Variants in GSTM3 observed in about 807,000 individuals in gnomAD.
The protein encoded by GSTM3 is GST class-mu 3.
Under a neutral mutation model 36.1 loss-of-function variants are expected in GSTM3, and 34 were observed. The ratio of observed to expected loss-of-function variants is 0.94; its 90% CI spans 0.72 to 1.25. GSTM3 has a LOEUF of 1.25. Among genes scored for constraint, GSTM3 ranks in the 50% most tolerant of loss-of-function variants. The pLI is 0.00. For missense variants in GSTM3, 266 were observed against 281.6 expected (o/e 0.94, Z 0.40); for synonymous variants, 102 against 99.5 (o/e 1.03, Z -0.15).
At position 109,735,662 on chromosome 1, in the gene GSTM3, GAGAC is replaced by G. The variant is rs1488386428; in HGVS notation, c.*1405_*1408del. ...TTTTTTTTTTTTTTTTTTTTTTTTT[GAGAC>G]AGAGTCTCGCCCTGTAGCCAGGCTG... On this transcript the variant is annotated 3_prime_UTR_variant, in exon 9 of 9. Transcript: ENST00000361066. The G allele has an allele frequency of 1.3e-4, 3 of 23,098 alleles. No individual in the cohort carries two copies. The East Asian group carries it at 2.8e-3, about 22-fold the overall frequency. 1.4% of individuals were successfully genotyped at this position (23,098 alleles called of 1,614,324 possible).
In GSTM3 at chr1:109,740,366, G is replaced by C. The variant is rs1323291375; in HGVS notation, c.-79C>G. 6.7e-6 allele frequency: 9 copies of C among 1,336,716 alleles called. No homozygotes were observed. Among genetic ancestry groups the C allele is most frequent in the Non-Finnish European group, 9.4e-6 (9 of 954,526 alleles). 82.8% of individuals were successfully genotyped at this position (1,336,716 alleles called of 1,614,324 possible). A position where few individuals can be genotyped will look rare whatever the true frequency, so the allele number is the denominator to read the frequency against. ...TTTATACCCGACATAAGGGGGCGGG[G>C]CCCACGCGCGGGCGCCCTGACTCCG... On this transcript the variant is annotated 5_prime_UTR_variant, in exon 2 of 9. Coordinates refer to ENST00000361066, the MANE Select transcript of GSTM3 (RefSeq NM_000849.5).
In GSTM3 at chr1:109,736,846, C is replaced by A; in HGVS notation, c.*225G>T. The A allele has an allele frequency of 2.0e-6, 1 of 505,494 alleles. No homozygotes were observed. The highest frequency in any genetic ancestry group is 3.6e-6 in the Non-Finnish European group (1 of 281,044). 31.3% of individuals were successfully genotyped at this position (505,494 alleles called of 1,614,324 possible). On this transcript the variant is annotated 3_prime_UTR_variant, in exon 9 of 9. Coordinates refer to ENST00000361066, the MANE Select transcript of GSTM3 (RefSeq NM_000849.5). ...TCAGGGCTTGGGCATGAACCTACAG[C>A]CCTTGAACTCAGTTGGGGAGTAGGG...
Position 109,737,172 on chromosome 1 carries a change from G to A in GSTM3, c.580-3C>T, listed in dbSNP as rs1440997960. The stretch of plus-strand genomic sequence containing the variant: ...TAGGCAGCGATTTTCTCCAAAGCCT[G>A]AAAGGAAAATACACCAAATCTTATA... On this transcript the variant is annotated splice_region_variant and splice_polypyrimidine_tract_variant and intron_variant, in intron 8 of 8. Coordinates refer to ENST00000361066, the MANE Select transcript of GSTM3 (RefSeq NM_000849.5). The A allele has an allele frequency of 1.9e-6, 3 of 1,605,232 alleles. No homozygotes were observed. Among genetic ancestry groups the A allele is most frequent in the Non-Finnish European group, 2.6e-6 (3 of 1,171,916 alleles).
chr1:109,739,903 C>G lies in GSTM3; in HGVS notation c.54G>C (p.Ala18=). 6.4e-7 allele frequency: 1 copy of G among 1,553,806 alleles called. No individual in the cohort carries two copies. The highest frequency in any genetic ancestry group is 8.7e-7 in the Non-Finnish European group (1 of 1,147,598). The stretch of plus-strand genomic sequence containing the variant: ...ACTCCAGGAGCAGGCGGATGGCGTG[C>G]GCCAGCTGGGGAAGACAGCGGTTCA... ...VLGYWDIRGL[A]HAIRLLLEFT... is the part of the protein sequence containing the mutation. Residue 18 remains alanine, a synonymous_variant, in exon 3 of 9, where the codon GCG becomes GCC. Coordinates refer to ENST00000361066, the MANE Select transcript of GSTM3 (RefSeq NM_000849.5).
At chr1:109,737,379 ATCC>A (rs1292746371) in intron 8 of GSTM3, 75 bp downstream of exon 8, 1 of 984,634 alleles carries the variant, frequency 1.0e-6, no homozygotes, top group African/African-American at 1.6e-5. Flanking sequence ...CCGGGGAAGA[ATCC>A]TCCACTATGG....
Position 109,738,337 on chromosome 1 carries a change from C to G in GSTM3, c.219G>C (p.Lys73Asn). ...NLPYLLDGKN[K>N]ITQSNAILRY... is the part of the protein sequence containing the mutation. ...GCAAGATGGCATTGCTCTGGGTGAT[C>G]TTGTTCTTCCCATCCAGGAGGTAGG... is the stretch of plus-strand genomic sequence containing the variant. The change falls in exon 5 of 9, where the codon AAG (lysine) becomes AAC (asparagine). Residue 73 changes from lysine (K) to asparagine (N), a missense_variant. Physicochemically the swap from Lys to Asn is moderately conservative, Grantham distance 94. Coordinates refer to ENST00000361066, the MANE Select transcript of GSTM3 (RefSeq NM_000849.5). The G allele has an allele frequency of 6.2e-7, 1 of 1,614,050 alleles. No homozygotes were observed. The highest frequency in any genetic ancestry group is 8.5e-7 in the Non-Finnish European group (1 of 1,179,856).
intron 2 of GSTM3, 52 bp from the exon 3 acceptor site, chr1:109,739,960 C>G (rs538708088): frequency 1.4e-6 from 2 of 1,383,494 alleles, no homozygotes; most frequent in East Asian, 5.0e-5. Context: ...ATTCCCAACC[C>G]CCGCCCGCTA....
In GSTM3 at chr1:109,737,444, C is replaced by A. The variant is rs748820295; in HGVS notation, c.579+13G>T. 45 of 1,499,958 alleles carry A rather than the reference C, an allele frequency of 3.0e-5. No individual in the cohort carries two copies. Among genetic ancestry groups the A allele is most frequent in the Non-Finnish European group, 3.1e-5 (33 of 1,075,986 alleles). The allele number at this position is 1,499,958 out of a possible 1,614,324, so 92.9% of individuals were successfully genotyped here. On this transcript the variant is annotated intron_variant, in intron 8 of 8. Coordinates refer to ENST00000361066, the MANE Select transcript of GSTM3 (RefSeq NM_000849.5). Reference sequence around the variant, plus strand: ...TGAGTGTTTTTATAAGAGAAAGGTGCAGGAAACGTCACCTCAAAACGGCAC... The same window carrying A: ...TGAGTGTTTTTATAAGAGAAAGGTGAAGGAAACGTCACCTCAAAACGGCAC...
rs1271416950 is a variant in GSTM3 at position 109,733,970 on chromosome 1, G to C, written c.*3101C>G. 1.3e-5 allele frequency: 2 copies of C among 152,342 alleles called. No individual in the cohort carries two copies. The highest frequency in any genetic ancestry group is 4.8e-5 in the African/African-American group (2 of 41,580). 9.4% of individuals were successfully genotyped at this position (152,342 alleles called of 1,614,324 possible). ...GCAGAGTAGAATTTATTGGGAAAAA[G>C]GAAAGCTCTCAGCAAAGACAGGGGT... is the stretch of plus-strand genomic sequence containing the variant. On this transcript the variant is annotated 3_prime_UTR_variant, in exon 9 of 9. Transcript: ENST00000361066.
In GSTM3 at chr1:109,736,889, C is replaced by T. The variant is rs1649213746; in HGVS notation, c.*182G>A. Reference sequence around the variant, plus strand: ...GAGTAGGGAAATGCCAGTATCGCAGCGATTCAATTCATATCTTGATGATTC... The same window carrying T: ...GAGTAGGGAAATGCCAGTATCGCAGTGATTCAATTCATATCTTGATGATTC... On this transcript the variant is annotated 3_prime_UTR_variant, in exon 9 of 9. Transcript: ENST00000361066. 5.3e-6 allele frequency: 3 copies of T among 566,646 alleles called. No homozygotes were observed. The highest frequency in any genetic ancestry group is 1.9e-5 in the African/African-American group (1 of 52,860). 35.1% of individuals were successfully genotyped at this position (566,646 alleles called of 1,614,324 possible).
In GSTM3 at chr1:109,740,383, C is replaced by T. The variant is rs1425947392; in HGVS notation, c.-96G>A. On this transcript the variant is annotated 5_prime_UTR_variant, in exon 2 of 9. Transcript: ENST00000361066. ...GGGGCGGGGCCCACGCGCGGGCGCCCTGACTCCGCCTCCGCCCCGTTCTCC... is the reference window on the plus strand; with the variant it reads ...GGGGCGGGGCCCACGCGCGGGCGCCTTGACTCCGCCTCCGCCCCGTTCTCC... 6 of 1,051,364 alleles carry T rather than the reference C, an allele frequency of 5.7e-6. No individual in the cohort carries two copies. The highest frequency in any genetic ancestry group is 2.8e-6 in the Non-Finnish European group (2 of 704,680). 65.1% of individuals were successfully genotyped at this position (1,051,364 alleles called of 1,614,324 possible). A position where few individuals can be genotyped will look rare whatever the true frequency, so the allele number is the denominator to read the frequency against.
At chr1:109,738,025 C>A in intron 6 of GSTM3, 66 bp downstream of exon 6, 8 of 988,044 alleles carry the variant, frequency 8.1e-6, no homozygotes, top group South Asian at 7.8e-5. Context: ...CAGAGATAAC[C>A]CTTGGGTTCC....
Position 109,738,290 on chromosome 1 carries a change from T to C in GSTM3, c.266A>G (p.Asn89Ser). ...AILRYIARKH[N>S]MCGETEEEKI... ...ACCAGCCCTACCCCACTCACACATGTTGTGCTTGCGAGCGATGTAGCGCAA... is the reference window on the plus strand; with the variant it reads ...ACCAGCCCTACCCCACTCACACATGCTGTGCTTGCGAGCGATGTAGCGCAA... Residue 89 changes from asparagine to serine, a missense_variant, in exon 5 of 9, where the codon AAC (asparagine) becomes AGC (serine). Transcript: ENST00000361066. 3.7e-6 allele frequency: 6 copies of C among 1,613,396 alleles called. No homozygotes were observed. Among genetic ancestry groups the C allele is most frequent in the Non-Finnish European group, 5.1e-6 (6 of 1,179,310 alleles).
chr1:109,738,095 T>C lies in GSTM3; in HGVS notation c.368A>G (p.Asp123Gly). Residue 123 changes from aspartate to glycine, a missense_variant, in exon 6 of 9, where the codon GAC (aspartate) becomes GGC (glycine). Physicochemically the swap from Asp to Gly is moderately conservative, Grantham distance 94 (BLOSUM62 -1). Transcript: ENST00000361066. ...ATGTGTGCTAAGGAAACTCACGTGG[T>C]CAGAGCTGTAACAGAGCCTTATCAG... Reference protein sequence around the residue: ...TQLIRLCYSSDHEKLKPQYLE... With the variant: ...TQLIRLCYSSGHEKLKPQYLE... 2 of 1,606,180 alleles carry C rather than the reference T, an allele frequency of 1.2e-6. No homozygotes were observed. The highest frequency in any genetic ancestry group is 8.5e-7 in the Non-Finnish European group (1 of 1,172,786).
chr1:109,735,580 T>G lies in GSTM3; in HGVS notation c.*1491A>C, dbSNP rs541818532. 9.2e-5 allele frequency: 14 copies of G among 152,250 alleles called. No homozygotes were observed. Among genetic ancestry groups the G allele is most frequent in the Admixed American group, 4.6e-4 (7 of 15,290 alleles). 9.4% of individuals were successfully genotyped at this position (152,250 alleles called of 1,614,324 possible). ...AGGTATTTACACGGTTTCCACTTAT[T>G]TGTCATTACAGACAATGCCACAGTG... On this transcript the variant is annotated 3_prime_UTR_variant, in exon 9 of 9. Coordinates refer to ENST00000361066, the MANE Select transcript of GSTM3 (RefSeq NM_000849.5).
At position 109,740,229 on chromosome 1, in the gene GSTM3, A is replaced by G. The variant is rs763231148; in HGVS notation, c.48+11T>C. 2 of 1,611,996 alleles carry G rather than the reference A, an allele frequency of 1.2e-6. No individual in the cohort carries two copies. Among genetic ancestry groups the G allele is most frequent in the Admixed American group, 1.7e-5 (1 of 59,932 alleles). On this transcript the variant is annotated intron_variant, in intron 2 of 8. Transcript: ENST00000361066. Reference sequence around the variant, plus strand: ...TTGACCGAGCGGCTCTACCGTTGAGACGGCACTCACCCCACGAATATCCCA... The same window carrying G: ...TTGACCGAGCGGCTCTACCGTTGAGGCGGCACTCACCCCACGAATATCCCA...
chr1:109,738,403 C>A, intron 4 of GSTM3, 37 bp from the exon 5 acceptor site: 3 of 1,361,120 alleles, frequency 2.2e-6, no homozygotes, highest in Admixed American at 1.7e-5. Flanking sequence ...AACAACCTGC[C>A]TCTCTCTTGA....
At position 109,737,657 on chromosome 1, in the gene GSTM3, TTTTCCCCGGCAAACCATGAGAA is replaced by T. The variant is rs1405356782; in HGVS notation, c.445_466del (p.Phe149SerfsTer30). The T allele has an allele frequency of 3.8e-6, 6 of 1,595,560 alleles. No individual in the cohort carries two copies. The African/African-American group carries it at 5.4e-5, about 14-fold the overall frequency. ...CCTCTTCTTTTCCCTTCTTCCTACCTTTTCCCCGGCAAACCATGAGAATTTCCCCAGAAACATGGAGAATTGT... is the reference window on the plus strand; with the variant it reads ...CCTCTTCTTTTCCCTTCTTCCTACCTTTTCCCCAGAAACATGGAGAATTGT... On this transcript the variant is annotated frameshift_variant and splice_region_variant, in exon 7 of 9. Coordinates refer to ENST00000361066, the MANE Select transcript of GSTM3 (RefSeq NM_000849.5). LOFTEE classifies it high-confidence loss of function.
At chr1:109,739,793 A>C (rs542242504) in intron 3 of GSTM3, 40 bp downstream of exon 3, 1 of 1,450,766 alleles carries the variant, frequency 6.9e-7, no homozygotes, top group South Asian at 1.2e-5. Flanking sequence ...GGGCAGGTGG[A>C]GGGCCAGCTT....
Sources: allele counts gnomAD v4.1 joint callset, GRCh38; gene constraint gnomAD v4.1.1; transcripts MANE v1.5; gene names NCBI Gene and HGNC (gene_info 2026-07-23, HGNC 2026-07-21).